The following CASC3 variants were observed in gnomAD, a reference collection of about 807,000 sequenced individuals.
CASC3 encodes the protein CASC3 exon junction complex subunit.
A neutral mutation model predicts 80.5 loss-of-function variants in CASC3; 30 were observed. That is an observed-to-expected ratio of 0.37 (90% CI 0.28 to 0.51). CASC3 has a LOEUF of 0.51. Among genes scored for constraint, CASC3 ranks in the 20% least tolerant of loss-of-function variants. CASC3 has a pLI of 0.94. For missense variants in CASC3, 824 were observed against 922.2 expected (o/e 0.89, Z 1.38); for synonymous variants, 312 against 333.6 (o/e 0.94, Z 0.70).
intron 3 of CASC3, among the ~76,000 whole-genome samples, chr17:40,160,584 T>C (rs1598427877): frequency 6.6e-6 from 1 of 152,074 alleles, no homozygotes; most frequent in African/African-American, 2.4e-5. Flanking sequence ...ATAGTAAGTC[T>C]CCCTTCCATT....
At chr17:40,164,201 C>T (rs369719583) in intron 7 of CASC3, 35 bp downstream of exon 7, 1 of 1,514,250 alleles carries the variant, frequency 6.6e-7, no homozygotes, top group Non-Finnish European at 8.9e-7. Context: ...AGCTTTTTCC[C>T]CTTTGCATCA....
rs1386795344 is a variant in CASC3, at chr17:40,162,813, C to T, written c.697C>T (p.Arg233Ter). The T allele has an allele frequency of 1.2e-6, 2 of 1,613,968 alleles. No homozygotes were observed. Among genetic ancestry groups the T allele is most frequent in the Non-Finnish European group, 1.7e-6 (2 of 1,180,006 alleles). The change falls in exon 6 of 14, where the codon CGA (arginine) becomes TGA (stop). Residue 233 changes from arginine (R) to a stop codon, truncating the protein, a stop_gained. Coordinates refer to ENST00000264645, the MANE Select transcript of CASC3 (RefSeq NM_007359.5). LOFTEE classifies it high-confidence loss of function. ...GGAAGATGAGCAGGCCCCAAAGTCC[C>T]GACAGGAGCTCATTGCTCTTTATGG... ...FREDEQAPKS[R>*]QELIALYGYD...
At chr17:40,164,516 C>T (rs550789995) in intron 7 of CASC3, among the ~76,000 whole-genome samples, 23 of 148,894 alleles carry the variant, frequency 1.5e-4, no homozygotes, top group African/African-American at 5.5e-4. Flanking sequence ...GGCACGATCT[C>T]GGCTCACTGT....
chr17:40,164,293 T>A, intron 7 of CASC3, 127 bp downstream of exon 7: 1 of 868,712 alleles, frequency 1.2e-6, no homozygotes, highest in Non-Finnish European at 1.7e-6. Context: ...AGACAGAGTC[T>A]CACTCTTTTG....
chr17:40,171,920 G>T lies in CASC3; in HGVS notation c.*1515G>T, dbSNP rs771440046. 5.5e-6 allele frequency: 7 copies of T among 1,263,914 alleles called. No homozygotes were observed. The highest frequency in any genetic ancestry group is 7.2e-6 in the Non-Finnish European group (7 of 975,936). 78.3% of individuals were successfully genotyped at this position (1,263,914 alleles called of 1,614,324 possible). ...GAAATAACTAAGAGATTCTTCTAGG[G>T]GTAGCTGGTGGTTGTGCCTTTTGTA... is the stretch of plus-strand genomic sequence containing the variant. On this transcript the variant is annotated 3_prime_UTR_variant, in exon 14 of 14. Coordinates refer to ENST00000264645, the MANE Select transcript of CASC3 (RefSeq NM_007359.5).
Position 40,167,936 on chromosome 17 carries a change from C to A in CASC3, c.1738C>A (p.Leu580Ile). 1 of 1,614,038 alleles carries A rather than the reference C, an allele frequency of 6.2e-7. No individual in the cohort carries two copies. ...CATGCTTGTGCAGCCAGGAATGAAC[C>A]TTCCCCACCCAGGTAAGCTTTGTGT... ...QGMLVQPGMN[L>I]PHPGLHPHQT... is the part of the protein sequence containing the mutation. The change falls in exon 10 of 14, where the codon CTT becomes ATT. Residue 580 changes from leucine (L) to isoleucine (I), a missense_variant. Leu to Ile is a conservative substitution (Grantham distance 5). This residue lies in a region of CASC3 where 464 missense variants were observed against 506.0 expected (regional missense o/e 0.92). Coordinates refer to ENST00000264645, the MANE Select transcript of CASC3 (RefSeq NM_007359.5).
chr17:40,149,136 A>G (rs1448131895), intron 3 of CASC3, among the ~76,000 whole-genome samples: 2 of 152,038 alleles, frequency 1.3e-5, no homozygotes, highest in Non-Finnish European at 2.9e-5. Flanking sequence ...TCGGCTTCCC[A>G]AAGTGTTGGG....
At position 40,167,481 on chromosome 17, in the gene CASC3, C is replaced by T. The variant is rs925470060; in HGVS notation, c.1537-17C>T. ...CCTCTAGAATTCTTATTGTTTAGGC[C>T]TCTTTCTTTGTCTCAGGGTGTCCAG... is the stretch of plus-strand genomic sequence containing the variant. On this transcript the variant is annotated splice_polypyrimidine_tract_variant and intron_variant, in intron 8 of 13. Coordinates refer to ENST00000264645, the MANE Select transcript of CASC3 (RefSeq NM_007359.5). 1.3e-6 allele frequency: 2 copies of T among 1,595,936 alleles called. No homozygotes were observed. The highest frequency in any genetic ancestry group is 1.3e-5 in the African/African-American group (1 of 74,538).
chr17:40,157,573 G>A (rs951337564), intron 3 of CASC3, among the ~76,000 whole-genome samples: 1 of 152,040 alleles, frequency 6.6e-6, no homozygotes, highest in African/African-American at 2.4e-5. Flanking sequence ...TACTCAGGAG[G>A]CTGAGGCATA....
chr17:40,169,624 CAA>C lies in CASC3; in HGVS notation c.*4_*5del. ...TTGTAAGCAGGGGTTCCAGTTAATA[CAA>C]GTTTCTGAATATTTTAAATCTTAAC... On this transcript the variant is annotated 3_prime_UTR_variant, in exon 13 of 14. Coordinates refer to ENST00000264645, the MANE Select transcript of CASC3 (RefSeq NM_007359.5). The C allele has an allele frequency of 6.3e-7, 1 of 1,583,870 alleles. No individual in the cohort carries two copies.
Position 40,169,292 on chromosome 17 carries a change from A to T in CASC3, c.1966-32A>T, listed in dbSNP as rs186871215. 23 of 1,502,724 alleles carry T rather than the reference A, an allele frequency of 1.5e-5. No individual in the cohort carries two copies. The East Asian group carries it at 5.6e-4, about 37-fold the overall frequency. The allele number at this position is 1,502,724 out of a possible 1,614,324, so 93.1% of individuals were successfully genotyped here. ...CATAGGTTGGATGAATTCATTCCTA[A>T]CTTTTTCTTCTCCTGGCTTGTGGGG... On this transcript the variant is annotated intron_variant, in intron 11 of 13. Coordinates refer to ENST00000264645, the MANE Select transcript of CASC3 (RefSeq NM_007359.5).
intron 3 of CASC3, among the ~76,000 whole-genome samples, chr17:40,157,237 C>T (rs528576673): frequency 1.6e-3 from 249 of 151,538 alleles, no homozygotes; most frequent in African/African-American, 5.7e-3. Context: ...CCCAGCTACT[C>T]GGGAGGCTGA....
chr17:40,145,484 A>T lies in CASC3; in HGVS notation c.297+3877A>T, dbSNP rs1465496459. Among the ~76,000 whole-genome samples the T allele has an allele frequency of 5.3e-5, 8 of 151,966 alleles. No individual in the cohort carries two copies. In the East Asian group the frequency reaches 1.5e-3, roughly 29 times the overall value. On this transcript the variant is annotated intron_variant, in intron 3 of 13. Coordinates refer to ENST00000264645, the MANE Select transcript of CASC3 (RefSeq NM_007359.5). ...ACTGCGCCTGGCCCAAAATTTTTTT[A>T]AAAAGAGAAAAAGCCCAGATAGAGA...
At chr17:40,150,991 C>T (rs574322333) in intron 3 of CASC3, among the ~76,000 whole-genome samples, 5 of 151,698 alleles carry the variant, frequency 3.3e-5, no homozygotes, top group South Asian at 4.2e-4. Context: ...CCAGCCTGGG[C>T]GACAGAGTGA....
intron 4 of CASC3, 21 bp downstream of exon 4, chr17:40,161,932 T>TC (rs1405847765): frequency 5.6e-6 from 9 of 1,613,368 alleles, no homozygotes; most frequent in Non-Finnish European, 5.9e-6. Context: ...TCCACAGTCC[T>TC]CCATTTTAGA....
chr17:40,172,144 A>G lies in CASC3; in HGVS notation c.*1739A>G. The G allele has an allele frequency of 7.8e-7, 1 of 1,289,824 alleles. No homozygotes were observed. The highest frequency in any genetic ancestry group is 1.0e-6 in the Non-Finnish European group (1 of 988,848). 79.9% of individuals were successfully genotyped at this position (1,289,824 alleles called of 1,614,324 possible). ...ATTTGTGATCAGCATTGTGACTTGGAGATAATAAAATTTAGACTATAAACT... is the reference window on the plus strand; with the variant it reads ...ATTTGTGATCAGCATTGTGACTTGGGGATAATAAAATTTAGACTATAAACT... On this transcript the variant is annotated 3_prime_UTR_variant, in exon 14 of 14. Coordinates refer to ENST00000264645, the MANE Select transcript of CASC3 (RefSeq NM_007359.5).
chr17:40,171,772 G>C lies in CASC3; in HGVS notation c.*1367G>C, dbSNP rs1039921490. The C allele has an allele frequency of 2.6e-6, 3 of 1,160,424 alleles. No individual in the cohort carries two copies. In the Admixed American group the frequency reaches 1.2e-4, roughly 45 times the overall value. 71.9% of individuals were successfully genotyped at this position (1,160,424 alleles called of 1,614,324 possible). A position where few individuals can be genotyped will look rare whatever the true frequency, so the allele number is the denominator to read the frequency against. On this transcript the variant is annotated 3_prime_UTR_variant, in exon 14 of 14. Coordinates refer to ENST00000264645, the MANE Select transcript of CASC3 (RefSeq NM_007359.5). Reference sequence around the variant, plus strand: ...GAACCTGAGGGCAAAGATGGTGGCTGTGTCTCTCCCCGGTAATGTCACTGT... The same window carrying C: ...GAACCTGAGGGCAAAGATGGTGGCTCTGTCTCTCCCCGGTAATGTCACTGT...
At chr17:40,141,655 T>C in intron 3 of CASC3, 48 bp downstream of exon 3, 1 of 1,412,254 alleles carries the variant, frequency 7.1e-7, no homozygotes, top group Non-Finnish European at 1.0e-6. Flanking sequence ...AAATGCTTTT[T>C]AAAAACGTGT....
chr17:40,166,652 G>A (rs1265155093), intron 7 of CASC3, 145 bp from the exon 8 acceptor site: 4 of 528,504 alleles, frequency 7.6e-6, no homozygotes, highest in Non-Finnish European at 1.0e-5. Flanking sequence ...TTGACAGAAA[G>A]CAGAGATAGT....
Sources: gnomAD v4.1 joint callset for allele counts (sites outside exome capture counted in the v4.1 genomes callset) on GRCh38, gnomAD v4.1.1 for gene constraint, gnomAD v4.1.1 regional missense constraint, MANE v1.5 for transcripts, NCBI Gene and HGNC (gene_info 2026-07-23, HGNC 2026-07-21) for gene names.